Variants in TMCO1 observed in about 807,000 individuals in gnomAD.
TMCO1 encodes the protein calcium load-activated calcium channel.
A neutral mutation model predicts 29.3 loss-of-function variants in TMCO1; 29 were observed. The ratio of observed to expected loss-of-function variants is 0.99; its 90% CI spans 0.74 to 1.35. The LOEUF (loss-of-function observed/expected upper bound fraction) is 1.35. Ranked by LOEUF, TMCO1 falls within the 40% of genes most tolerant of loss-of-function variation. TMCO1 has a pLI of 0.00. For missense variants in TMCO1, 173 were observed against 225.5 expected (o/e 0.77, Z 1.49); for synonymous variants, 80 against 77.1 (o/e 1.04, Z -0.20).
At chr1:165,760,213 G>A (rs1285663360) in intron 2 of TMCO1, among the ~76,000 whole-genome samples, 5 of 151,976 alleles carry the variant, frequency 3.3e-5, no homozygotes, top group Non-Finnish European at 7.4e-5. Context: ...ATCACCTGAG[G>A]TCAGGAGTTT....
At chr1:165,764,748 G>A (rs1652511358) in intron 2 of TMCO1, among the ~76,000 whole-genome samples, 2 of 152,182 alleles carry the variant, frequency 1.3e-5, no homozygotes, top group Non-Finnish European at 2.9e-5. Context: ...TTATCCTAAA[G>A]CAATGTGAAG....
chr1:165,754,489 TG>T (rs1652118472), intron 3 of TMCO1, among the ~76,000 whole-genome samples: 1 of 152,174 alleles, frequency 6.6e-6, no homozygotes, highest in African/African-American at 2.4e-5. Flanking sequence ...AAATCTTTAG[TG>T]TTTTTTTGAA....
intron 2 of TMCO1, among the ~76,000 whole-genome samples, chr1:165,767,157 G>T (rs567304884): frequency 5.1e-4 from 77 of 152,258 alleles, no homozygotes; most frequent in African/African-American, 1.8e-3. Context: ...ACAAATGGTT[G>T]CTGTGTAGAT....
intron 6 of TMCO1, among the ~76,000 whole-genome samples, chr1:165,728,815 G>A (rs1384860994): frequency 2.0e-5 from 3 of 151,840 alleles, no homozygotes; most frequent in African/African-American, 7.3e-5. Context: ...TTTCAGTTTC[G>A]GCCGGGTGTG....
intron 6 of TMCO1, among the ~76,000 whole-genome samples, chr1:165,737,846 A>C (rs1002969790): frequency 1.3e-5 from 2 of 152,246 alleles, no homozygotes; most frequent in African/African-American, 4.8e-5. Flanking sequence ...TAAGAAGCAC[A>C]AGAAAGAAAA....
At chr1:165,754,098 C>T in intron 4 of TMCO1, 130 bp downstream of exon 4, 1 of 753,704 alleles carries the variant, frequency 1.3e-6, no homozygotes, top group Non-Finnish European at 2.3e-6. Context: ...CCAGGAACAC[C>T]CATGATATTA....
chr1:165,759,992 T>C (rs978698872), intron 2 of TMCO1, among the ~76,000 whole-genome samples: 1 of 152,044 alleles, frequency 6.6e-6, no homozygotes, highest in African/African-American at 2.4e-5. Flanking sequence ...ATTGGCTGCC[T>C]AAATAACTCT....
At chr1:165,733,086 C>T (rs1651234427) in intron 6 of TMCO1, among the ~76,000 whole-genome samples, 1 of 152,162 alleles carries the variant, frequency 6.6e-6, no homozygotes, top group Non-Finnish European at 1.5e-5. Context: ...ATCCTCACAA[C>T]TTAATGAGGT....
At chr1:165,747,185 C>T (rs911999725) in intron 5 of TMCO1, among the ~76,000 whole-genome samples, 1 of 144,086 alleles carries the variant, frequency 6.9e-6, no homozygotes, top group Non-Finnish European at 1.5e-5. Flanking sequence ...CACTTGAACC[C>T]GGGAGGTAGA....
At chr1:165,730,163 T>TATA (rs1651085806) in intron 6 of TMCO1, among the ~76,000 whole-genome samples, 1 of 19,230 alleles carries the variant, frequency 5.2e-5, no homozygotes. Flanking sequence ...GTACTAAAAA[T>TATA]ACACACACAC....
At chr1:165,741,121 T>C (rs1031419767) in intron 6 of TMCO1, among the ~76,000 whole-genome samples, 2 of 152,198 alleles carry the variant, frequency 1.3e-5, no homozygotes, top group Admixed American at 1.3e-4. Context: ...ATACTCTTCT[T>C]TCTTCTATTC....
At chr1:165,730,942 C>T (rs1450371053) in intron 6 of TMCO1, among the ~76,000 whole-genome samples, 7 of 147,714 alleles carry the variant, frequency 4.7e-5, no homozygotes, top group Admixed American at 4.7e-4. Context: ...GCTCTGTCGC[C>T]AGGCTGGAGT....
rs539804072 is a variant in TMCO1, at chr1:165,753,639, T to C, written c.255+589A>G. 7.8e-4 allele frequency among the ~76,000 whole-genome samples: 118 copies of C among 151,792 alleles called. 2 individuals carry two copies. In the South Asian group the frequency reaches 0.023, roughly 29 times the overall value. Reference sequence around the variant, plus strand: ...TCAGTGTAGCCAAGATAGCAAGACCTCATCTCTACAAAAAAAAATTAAAAA... The same window carrying C: ...TCAGTGTAGCCAAGATAGCAAGACCCCATCTCTACAAAAAAAAATTAAAAA... On this transcript the variant is annotated intron_variant, in intron 4 of 6. Transcript: ENST00000367881.
chr1:165,729,535 G>C (rs1264553000), intron 6 of TMCO1, among the ~76,000 whole-genome samples: 1 of 151,818 alleles, frequency 6.6e-6, no homozygotes, highest in Non-Finnish European at 1.5e-5. Flanking sequence ...GGCCAGGCTG[G>C]TCTTGAACTC....
chr1:165,730,107 G>T (rs919031941), intron 6 of TMCO1, among the ~76,000 whole-genome samples: 1 of 148,980 alleles, frequency 6.7e-6, no homozygotes, highest in African/African-American at 2.5e-5. Flanking sequence ...GGATCACGAG[G>T]TCAGGAGATC....
intron 2 of TMCO1, among the ~76,000 whole-genome samples, chr1:165,761,591 T>C (rs777833619): frequency 6.6e-6 from 1 of 151,830 alleles, no homozygotes; most frequent in Non-Finnish European, 1.5e-5. Flanking sequence ...AGATTTTGAA[T>C]GAACATACTA....
rs576231172 is a variant in TMCO1, at chr1:165,742,186, G to A, written c.468+981C>T. Among the ~76,000 whole-genome samples the A allele has an allele frequency of 8.5e-5, 13 of 152,156 alleles. No homozygotes were observed. The South Asian group carries it at 2.1e-3, about 24-fold the overall frequency. On this transcript the variant is annotated intron_variant, in intron 6 of 6. Coordinates refer to ENST00000367881, the MANE Select transcript of TMCO1 (RefSeq NM_019026.6). Reference sequence around the variant, plus strand: ...AAACCTTTCCACTACAAAGCCTGCCGAACGGCAATATGTTCAGAAACTGAA... The same window carrying A: ...AAACCTTTCCACTACAAAGCCTGCCAAACGGCAATATGTTCAGAAACTGAA...
intron 5 of TMCO1, among the ~76,000 whole-genome samples, chr1:165,747,215 C>T (rs1258258894): frequency 4.4e-5 from 6 of 136,276 alleles, no homozygotes; most frequent in Middle Eastern, 4.3e-3. Context: ...GAGCCAAGAT[C>T]GTGCCACTGC....
intron 3 of TMCO1, among the ~76,000 whole-genome samples, 185 bp from the exon 4 acceptor site, chr1:165,754,459 A>G (rs1221718750): frequency 1.3e-5 from 2 of 152,202 alleles, no homozygotes; most frequent in Non-Finnish European, 2.9e-5. Context: ...GAGCACCAAA[A>G]TATTTCAATT....
Sources: allele counts gnomAD v4.1 joint callset (sites outside exome capture counted in the v4.1 genomes callset), GRCh38; gene constraint gnomAD v4.1.1; transcripts MANE v1.5; gene names NCBI Gene and HGNC (gene_info 2026-07-23, HGNC 2026-07-21).